Variants in ADGRB1 observed in about 807,000 individuals in gnomAD.
The protein encoded by ADGRB1 is brain-specific angiogenesis inhibitor 1.
In ADGRB1, 36 loss-of-function variants were observed where a neutral mutation model predicts 175.7. The ratio of observed to expected loss-of-function variants is 0.20; its 90% confidence interval spans 0.16 to 0.27. The LOEUF (loss-of-function observed/expected upper bound fraction) is 0.27, where lower values mean the gene tolerates loss of function less well. Ranked by LOEUF, ADGRB1 falls within the 10% of genes least tolerant of loss-of-function variation. The pLI is 1.00. For missense variants in ADGRB1, 1,731 were observed against 2,255.3 expected (o/e 0.77, Z 4.71); for synonymous variants, 1,054 against 979.4 (o/e 1.08, Z -1.42).
At chr8:142,512,696 C>G (rs1188446656) in intron 18 of ADGRB1, among the ~76,000 whole-genome samples, 2 of 152,242 alleles carry the variant, frequency 1.3e-5, no homozygotes. Context: ...CTACCCAGGA[C>G]TGGCTGTGAG....
chr8:142,515,254 C>T (rs1459532057), intron 18 of ADGRB1, among the ~76,000 whole-genome samples: 1 of 152,162 alleles, frequency 6.6e-6, no homozygotes, highest in Non-Finnish European at 1.5e-5. Flanking sequence ...CTGGCTTGAG[C>T]CAGTCTCCGG....
At position 142,478,258 on chromosome 8, in the gene ADGRB1, C is replaced by G. The variant is rs754292096; in HGVS notation, c.1459C>G (p.Arg487Gly). Residue 487 changes from arginine to glycine, a missense_variant, in exon 7 of 31, where the codon CGA becomes GGA. By Grantham distance (125) the Arg-to-Gly change is moderately radical. This residue lies in a region of ADGRB1 where 388 missense variants were observed against 630.9 expected (regional missense o/e 0.61). Transcript: ENST00000517894. The part of the protein sequence containing the change: ...SACSASCSQG[R>G]QQRTRECNGP... ...CTGCTCCGCCAGCTGCTCCCAGGGC[C>G]GACAGCAGCGCACGCGTGAATGCAA... The G allele has an allele frequency of 1.9e-6, 3 of 1,609,600 alleles. No individual in the cohort carries two copies. Among genetic ancestry groups the G allele is most frequent in the Non-Finnish European group, 2.5e-6 (3 of 1,178,592 alleles).
chr8:142,516,705 A>AGGTGCATGCG (rs1843469198), intron 18 of ADGRB1, among the ~76,000 whole-genome samples: 3 of 79,688 alleles, frequency 3.8e-5, no homozygotes, highest in Non-Finnish European at 7.7e-5. Context: ...AGGTGCGTGC[A>AGGTGCATGCG]TGTGTGCGGG....
intron 21 of ADGRB1, among the ~76,000 whole-genome samples, 157 bp downstream of exon 21, chr8:142,522,272 T>C (rs1843896090): frequency 6.6e-6 from 1 of 152,052 alleles, no homozygotes; most frequent in South Asian, 2.1e-4. Flanking sequence ...CGTTCTTCCA[T>C]GGAGTCACCA....
intron 16 of ADGRB1, among the ~76,000 whole-genome samples, chr8:142,489,891 C>G (rs538601081): frequency 6.6e-6 from 1 of 152,192 alleles, no homozygotes; most frequent in South Asian, 2.1e-4. Context: ...AACTCCCTGG[C>G]GGGAAGCCCC....
At chr8:142,479,566 C>T (rs995656628) in intron 8 of ADGRB1, 79 bp downstream of exon 8, 20 of 1,517,212 alleles carry the variant, frequency 1.3e-5, no homozygotes, top group Non-Finnish European at 1.5e-5. Flanking sequence ...CTGTCACCCA[C>T]GTGGTGTGTT....
In ADGRB1 at chr8:142,543,453, C is replaced by T. The variant is rs762833606; in HGVS notation, c.4449+15C>T. The T allele has an allele frequency of 3.7e-6, 6 of 1,612,214 alleles. No homozygotes were observed. Among genetic ancestry groups the T allele is most frequent in the Non-Finnish European group, 4.2e-6 (5 of 1,178,940 alleles). On this transcript the variant is annotated intron_variant, in intron 29 of 30. Transcript: ENST00000517894. The surrounding 1 kb of genome is among the most constrained non-coding windows in gnomAD (Gnocchi z 4.4). ...TGGACTTTGAGGTGAGTTCTGGTGT[C>T]CCCCCCCACCAGACACTTAGGGCCA...
In ADGRB1 at chr8:142,474,373, A is replaced by C. The variant is rs1840825858; in HGVS notation, c.785-1101A>C. ...GGTGGCCGCCAGCTGTCTCCTCGCC[A>C]CCGTAGCCAGGAGCAGCACTTGGCA... On this transcript the variant is annotated intron_variant, in intron 2 of 30. Coordinates refer to ENST00000517894, the MANE Select transcript of ADGRB1 (RefSeq NM_001702.3). This position sits in a 1 kb window ranked among gnomAD's most constrained non-coding sequence, Gnocchi z 5.8. 6.6e-6 allele frequency among the ~76,000 whole-genome samples: 1 copy of C among 152,050 alleles called. No homozygotes were observed. The highest frequency in any genetic ancestry group is 6.5e-5 in the Admixed American group (1 of 15,280).
rs1440947572 is a variant in ADGRB1 at position 142,481,438 on chromosome 8, C to T, written c.1935+78C>T. ...ACAGGTTGGGACCCTGCAGAGGGTC[C>T]TAGGCATGGGAGATCCTGGGTGGCT... On this transcript the variant is annotated intron_variant, in intron 10 of 30. Coordinates refer to ENST00000517894, the MANE Select transcript of ADGRB1 (RefSeq NM_001702.3). 6.3e-6 allele frequency: 10 copies of T among 1,594,512 alleles called. No individual in the cohort carries two copies. In the South Asian group the frequency reaches 6.6e-5, roughly 11 times the overall value.
intron 17 of ADGRB1, among the ~76,000 whole-genome samples, chr8:142,501,465 G>T (rs1842534618): frequency 8.8e-6 from 1 of 113,700 alleles, no homozygotes; most frequent in Non-Finnish European, 1.9e-5. Flanking sequence ...GATGGAGGTG[G>T]GGTGGTGGTG....
At chr8:142,456,155 C>T (rs1368088180) in intron 1 of ADGRB1, among the ~76,000 whole-genome samples, 5 of 152,268 alleles carry the variant, frequency 3.3e-5, no homozygotes, top group Admixed American at 3.3e-4. Flanking sequence ...TCCCCAGCCC[C>T]AGAGAGCCTG....
chr8:142,520,449 GTGA>G (rs1446543229), intron 19 of ADGRB1, among the ~76,000 whole-genome samples: 1 of 54,080 alleles, frequency 1.8e-5, no homozygotes, highest in African/African-American at 5.9e-5. Context: ...GGTGGTGATG[GTGA>G]TGGTGGTGGT....
chr8:142,456,441 AC>A (rs890113334), intron 1 of ADGRB1, among the ~76,000 whole-genome samples: 19 of 150,976 alleles, frequency 1.3e-4, no homozygotes, highest in East Asian at 1.2e-3. Context: ...ACACTTCCTC[AC>A]CCCCCCGAAG....
chr8:142,476,988 C>CG, intron 4 of ADGRB1, 126 bp from the exon 5 acceptor site: 2 of 1,324,576 alleles, frequency 1.5e-6, no homozygotes, highest in Admixed American at 6.0e-5. Context: ...TTCGAAGGCC[C>CG]GGGGGCTCTG....
In ADGRB1 at chr8:142,478,240, G is replaced by T. The variant is rs750801795; in HGVS notation, c.1441G>T (p.Ala481Ser). ...GTGGTCGAGCTGGAGCGCCTGCTCC[G>T]CCAGCTGCTCCCAGGGCCGACAGCA... The part of the protein sequence containing the change: ...NEWSSWSACS[A>S]SCSQGRQQRT... The change falls in exon 7 of 31, where the codon GCC (alanine) becomes TCC (serine). Residue 481 changes from alanine to serine, a missense_variant. Ala to Ser is a moderately conservative substitution (Grantham distance 99). Transcript: ENST00000517894. The T allele has an allele frequency of 6.2e-7, 1 of 1,608,464 alleles. No homozygotes were observed. The highest frequency in any genetic ancestry group is 8.5e-7 in the Non-Finnish European group (1 of 1,178,146).
At chr8:142,472,426 G>A (rs1840722523) in intron 2 of ADGRB1, among the ~76,000 whole-genome samples, 1 of 152,188 alleles carries the variant, frequency 6.6e-6, no homozygotes, top group Non-Finnish European at 1.5e-5. Context: ...TCCTGGAGGG[G>A]CGGCCCACCC....
At chr8:142,482,849 C>T (rs971666583) in intron 11 of ADGRB1, among the ~76,000 whole-genome samples, 10 of 151,010 alleles carry the variant, frequency 6.6e-5, no homozygotes, top group African/African-American at 1.7e-4. Context: ...ATCCTGGTCA[C>T]GCACTGAGCC....
intron 6 of ADGRB1, among the ~76,000 whole-genome samples, chr8:142,477,865 G>C (rs1276659022): frequency 6.6e-6 from 1 of 151,900 alleles, no homozygotes; most frequent in Admixed American, 6.5e-5. Context: ...CCATGTCCCA[G>C]GCTGGGTGTG....
intron 17 of ADGRB1, among the ~76,000 whole-genome samples, chr8:142,494,411 C>T (rs544600092): frequency 6.6e-6 from 1 of 152,262 alleles, no homozygotes; most frequent in Non-Finnish European, 1.5e-5. Flanking sequence ...GGGCCCTGAT[C>T]CTGGTCACAG....
Sources: gnomAD v4.1 joint callset for allele counts (sites outside exome capture counted in the v4.1 genomes callset) on GRCh38, gnomAD v4.1.1 for gene constraint, gnomAD v4.1.1 regional missense constraint, Gnocchi (gnomAD v3.1) non-coding constraint, MANE v1.5 for transcripts, NCBI Gene and HGNC (gene_info 2026-07-23, HGNC 2026-07-21) for gene names.